Variants in ADGRV1 observed in about 807,000 individuals in gnomAD.
ADGRV1 encodes the protein adhesion G protein-coupled receptor V1, also known as G-protein coupled receptor 98.
ADGRV1 carries 359 observed loss-of-function variants against 596.2 expected under a neutral mutation model. That is an observed-to-expected ratio of 0.60 (90% CI 0.55 to 0.66). The LOEUF (loss-of-function observed/expected upper bound fraction) is 0.66, where lower values mean the gene tolerates loss of function less well. ADGRV1 is among the 30% of genes least tolerant of loss of function. The probability of loss-of-function intolerance (pLI) is 0.00; values close to 1 mark genes in which losing one functional copy is unlikely to be tolerated. For missense variants in ADGRV1, 7,274 were observed against 7,575.6 expected (o/e 0.96, Z 1.48); for synonymous variants, 2,681 against 2,679.2 (o/e 1.00, Z -0.02).
At chr5:91,095,533 A>G (rs1732622179) in intron 86 of ADGRV1, among the ~76,000 whole-genome samples, 1 of 152,116 alleles carries the variant, frequency 6.6e-6, no homozygotes, top group South Asian at 2.1e-4. Flanking sequence ...TTATTTGCTG[A>G]GAACAGTGGG....
chr5:90,710,302 A>G (rs143508882), intron 39 of ADGRV1, among the ~76,000 whole-genome samples: 77 of 152,346 alleles, frequency 5.1e-4, no homozygotes, highest in Middle Eastern at 3.4e-3. Context: ...TAATATTTTA[A>G]GACTAGCCCA....
chr5:90,745,040 C>T lies in ADGRV1; in HGVS notation c.10550-6C>T. ...ACTCAAGTTGTTTTTTCTTTCCTTC[C>T]TGCAGCCCACATACTTCTTATTGGC... is the stretch of plus-strand genomic sequence containing the variant. On this transcript the variant is annotated splice_polypyrimidine_tract_variant and splice_region_variant and intron_variant, in intron 50 of 89. Transcript: ENST00000405460. 1 of 1,609,818 alleles carries T rather than the reference C, an allele frequency of 6.2e-7. No individual in the cohort carries two copies. The highest frequency in any genetic ancestry group is 8.5e-7 in the Non-Finnish European group (1 of 1,176,520).
At chr5:90,710,432 G>A (rs2149713684) in intron 39 of ADGRV1, among the ~76,000 whole-genome samples, 1 of 152,162 alleles carries the variant, frequency 6.6e-6, no homozygotes, top group African/African-American at 2.4e-5. Context: ...AAATAAAAAG[G>A]GAAGATAAGT....
At chr5:90,853,805 A>G (rs1257147522) in intron 80 of ADGRV1, among the ~76,000 whole-genome samples, 1 of 152,216 alleles carries the variant, frequency 6.6e-6, no homozygotes, top group East Asian at 1.9e-4. Context: ...TTACGTACTT[A>G]ACTTTTAATG....
intron 75 of ADGRV1, among the ~76,000 whole-genome samples, chr5:90,819,092 C>A (rs1380794098): frequency 3.9e-5 from 6 of 152,160 alleles, no homozygotes; most frequent in African/African-American, 1.4e-4. Context: ...ACAATTTCAG[C>A]TCCTGTTATT....
chr5:90,866,468 T>A lies in ADGRV1; in HGVS notation c.17856+2611T>A, dbSNP rs2438345. ...CTTGAGAATCATTGACTATAAAATA[T>A]CAGTAGGTGGCAGTAGAAGATTTAT... On this transcript the variant is annotated intron_variant, in intron 83 of 89. Transcript: ENST00000405460. 2.0e-5 allele frequency among the ~76,000 whole-genome samples: 3 copies of A among 151,752 alleles called. No individual in the cohort carries two copies. In the South Asian group the frequency reaches 6.3e-4, roughly 32 times the overall value.
chr5:90,588,735 C>T (rs926568548), intron 1 of ADGRV1, among the ~76,000 whole-genome samples: 7 of 152,134 alleles, frequency 4.6e-5, no homozygotes, highest in African/African-American at 7.2e-5. Flanking sequence ...GCTATCCTTT[C>T]GTATGTTCTA....
intron 53 of ADGRV1, among the ~76,000 whole-genome samples, 159 bp from the exon 54 acceptor site, chr5:90,753,415 T>C (rs1229251666): frequency 6.6e-6 from 1 of 152,136 alleles, no homozygotes; most frequent in African/African-American, 2.4e-5. Context: ...TCCATTAATA[T>C]GAAAGACATC....
chr5:90,669,370 C>T (rs1217836892), intron 21 of ADGRV1, among the ~76,000 whole-genome samples: 1 of 152,072 alleles, frequency 6.6e-6, no homozygotes, highest in East Asian at 1.9e-4. Flanking sequence ...TGGATGGATT[C>T]TTAAAAATCA....
rs186999408 is a variant in ADGRV1, at chr5:90,685,822, C to T, written c.6317C>T (p.Ala2106Val). 2,999 of 1,611,320 alleles carry T rather than the reference C, an allele frequency of 1.9e-3. 6 individuals are homozygous for T. Among genetic ancestry groups the T allele is most frequent in the African/African-American group, 5.7e-3 (424 of 74,934 alleles). The part of the protein sequence containing the change: ...PRLGPKVETI[A>V]QLIIIANDDA... ...CTTGGGCCTAAGGTAGAAACTATTG[C>T]GCAACTAATTATCATTGCCAATGAT... The change falls in exon 29 of 90, where the codon GCG becomes GTG. Residue 2106 changes from alanine to valine, a missense_variant. Physicochemically the swap from Ala to Val is moderately conservative, Grantham distance 64. This residue lies in a region of ADGRV1 where 3,643 missense variants were observed against 3,809.2 expected (regional missense o/e 0.96). Transcript: ENST00000405460.
chr5:90,600,154 A>G (rs894660350), intron 1 of ADGRV1, among the ~76,000 whole-genome samples: 7 of 152,064 alleles, frequency 4.6e-5, no homozygotes, highest in East Asian at 1.9e-4. Context: ...AGCATCACAT[A>G]TATATTTTTT....
chr5:90,610,953 G>A (rs772039866), intron 1 of ADGRV1, among the ~76,000 whole-genome samples: 15 of 151,906 alleles, frequency 9.9e-5, no homozygotes, highest in Non-Finnish European at 2.1e-4. Context: ...CAAATACAGT[G>A]GTAGAGGGAA....
At chr5:90,562,609 C>T (rs780215329) in intron 1 of ADGRV1, among the ~76,000 whole-genome samples, 4 of 152,126 alleles carry the variant, frequency 2.6e-5, no homozygotes, top group African/African-American at 9.7e-5. Flanking sequence ...TGCAGTCACG[C>T]GTAAGTCTGG....
chr5:90,906,344 C>G (rs1468663685), intron 83 of ADGRV1, among the ~76,000 whole-genome samples: 2 of 152,024 alleles, frequency 1.3e-5, no homozygotes, highest in Non-Finnish European at 2.9e-5. Context: ...TTCAGTGAAG[C>G]CATCAGGTCC....
At chr5:90,569,403 TTTTTTTTTTTTTC>T in intron 1 of ADGRV1, among the ~76,000 whole-genome samples, 1 of 124,192 alleles carries the variant, frequency 8.1e-6, no homozygotes, top group African/African-American at 3.2e-5. Context: ...TTTTTTTTTT[TTTTTTTTTTTTTC>T]TCATTCTTAG....
chr5:91,102,284 A>G lies in ADGRV1; in HGVS notation c.18376A>G (p.Met6126Val), dbSNP rs1259604363. The G allele has an allele frequency of 3.1e-6, 5 of 1,610,430 alleles. No homozygotes were observed. Among genetic ancestry groups the G allele is most frequent in the African/African-American group, 1.3e-5 (1 of 74,886 alleles). The change falls in exon 87 of 90, where the codon ATG (methionine) becomes GTG (valine). Residue 6126 changes from methionine (M) to valine (V), a missense_variant. By Grantham distance (21) the Met-to-Val change is conservative. Coordinates refer to ENST00000405460, the MANE Select transcript of ADGRV1 (RefSeq NM_032119.4). ...SVTWLWGGLH[M>V]AYRHFWMLVL... The stretch of plus-strand genomic sequence containing the variant: ...GACATGGCTTTGGGGAGGACTACAC[A>G]TGGCCTACAGACACTTCTGGATGTT...
intron 75 of ADGRV1, among the ~76,000 whole-genome samples, chr5:90,820,456 A>G (rs1251217951): frequency 1.3e-5 from 2 of 150,690 alleles, no homozygotes; most frequent in Non-Finnish European, 3.0e-5. Context: ...TGATCCTGTC[A>G]TTATGATGTT....
At chr5:90,593,578 A>G (rs555066997) in intron 1 of ADGRV1, among the ~76,000 whole-genome samples, 9 of 152,272 alleles carry the variant, frequency 5.9e-5, no homozygotes, top group Admixed American at 2.0e-4. Context: ...GTGCACATGT[A>G]CCCTAGAACT....
chr5:90,578,955 A>G (rs964072231), intron 1 of ADGRV1, among the ~76,000 whole-genome samples: 1 of 150,914 alleles, frequency 6.6e-6, no homozygotes, highest in Non-Finnish European at 1.5e-5. Flanking sequence ...ATCGGTGGTG[A>G]TATATCATTT....
Sources: allele counts gnomAD v4.1 joint callset (sites outside exome capture counted in the v4.1 genomes callset), GRCh38; gene constraint gnomAD v4.1.1; regional missense constraint gnomAD v4.1.1; transcripts MANE v1.5; gene names NCBI Gene and HGNC (gene_info 2026-07-23, HGNC 2026-07-21).